The following ARPC4 variants were observed in gnomAD, a reference collection of about 807,000 sequenced individuals.
The protein encoded by ARPC4 is actin related protein 2/3 complex subunit 4.
ARPC4 carries 3 observed loss-of-function variants against 22.8 expected under a neutral mutation model. The observed-to-expected ratio is 0.13, with a 90% CI of 0.06 to 0.34. The LOEUF is 0.34. ARPC4 is among the 10% of genes least tolerant of loss of function. ARPC4 has a pLI of 1.00. For synonymous variants in ARPC4, 80 were observed against 72.5 expected (o/e 1.10, Z -0.52); for missense variants, 98 against 211.0 (o/e 0.46, Z 3.32).
intron 3 of ARPC4, 71 bp downstream of exon 3, chr3:9,800,367 C>T: frequency 1.3e-6 from 2 of 1,484,310 alleles, no homozygotes; most frequent in South Asian, 2.3e-5. Flanking sequence ...AGTCCGGGGT[C>T]CCCATCTGAG....
At chr3:9,798,364 G>T (rs188736554) in intron 2 of ARPC4, among the ~76,000 whole-genome samples, 49 of 151,790 alleles carry the variant, frequency 3.2e-4, no homozygotes, top group Non-Finnish European at 6.0e-4. Context: ...TGGGTAGATC[G>T]CTTGAGTACA....
At chr3:9,803,716 C>T (rs1185660537) in intron 4 of ARPC4, 127 bp from the exon 5 acceptor site, 2 of 1,106,052 alleles carry the variant, frequency 1.8e-6, no homozygotes, top group African/African-American at 3.1e-5. Context: ...GGGTATGTAG[C>T]TTGGGAGAAG....
intron 1 of ARPC4, among the ~76,000 whole-genome samples, chr3:9,795,037 G>T (rs1271576837): frequency 1.3e-5 from 2 of 151,856 alleles, no homozygotes; most frequent in Non-Finnish European, 2.9e-5. Flanking sequence ...ACACAGTCTC[G>T]CTCTGTCACC....
intron 2 of ARPC4, among the ~76,000 whole-genome samples, chr3:9,799,082 C>G (rs1346140685): frequency 1.3e-5 from 2 of 152,154 alleles, no homozygotes; most frequent in East Asian, 3.9e-4. Flanking sequence ...AGAGACACCA[C>G]ACCACAATTA....
chr3:9,806,500 A>C lies in ARPC4; in HGVS notation c.*285A>C. ...AACTTAAACTCTGTGCTTGTAGGAT[A>C]CTGTAACCTTTTTGTCTTTTTTTTT... is the stretch of plus-strand genomic sequence containing the variant. On this transcript the variant is annotated 3_prime_UTR_variant, in exon 6 of 6. Coordinates refer to ENST00000397261, the MANE Select transcript of ARPC4 (RefSeq NM_005718.5). The C allele has an allele frequency of 2.1e-6, 1 of 472,038 alleles. No homozygotes were observed. The highest frequency in any genetic ancestry group is 3.7e-6 in the Non-Finnish European group (1 of 267,218). The allele number at this position is 472,038 out of a possible 1,614,324, so 29.2% of individuals were successfully genotyped here. A position where few individuals can be genotyped will look rare whatever the true frequency, so the allele number is the denominator to read the frequency against.
chr3:9,793,530 C>T (rs1337748058), intron 1 of ARPC4, among the ~76,000 whole-genome samples: 2 of 152,182 alleles, frequency 1.3e-5, no homozygotes, highest in South Asian at 2.1e-4. Flanking sequence ...CCTCTTCTGC[C>T]TTCCTGACCC....
In ARPC4 at chr3:9,803,471, C is replaced by T; in HGVS notation, c.331-372C>T. ...CACAGCCCTCCAGCAGAAAAAGACC[C>T]TTAATCCCACCCATCTTCCACATCA... On this transcript the variant is annotated intron_variant, in intron 4 of 5. Transcript: ENST00000397261. The T allele has an allele frequency of 6.5e-6, 3 of 462,836 alleles. 1 individual carries two copies. The highest frequency in any genetic ancestry group is 4.6e-5 in the South Asian group (3 of 64,580). 28.7% of individuals were successfully genotyped at this position (462,836 alleles called of 1,614,324 possible).
rs567478397 is a variant in ARPC4 at position 9,805,487 on chromosome 3, T to C, written c.502-723T>C. On this transcript the variant is annotated intron_variant, in intron 5 of 5. Transcript: ENST00000397261. ...GCTATGGAGTGGGCTGAGTATGGAG[T>C]GGGCAGGGTGAGGAGCTGCTGAGCG... is the stretch of plus-strand genomic sequence containing the variant. Among the ~76,000 whole-genome samples, 30 of 152,054 alleles carry C rather than the reference T, an allele frequency of 2.0e-4. 1 individual carries two copies. The South Asian group carries it at 6.2e-3, about 32-fold the overall frequency.
chr3:9,799,445 GT>G (rs774857112), intron 2 of ARPC4, among the ~76,000 whole-genome samples: 184 of 141,962 alleles, frequency 1.3e-3, no homozygotes, highest in Admixed American at 1.5e-3. Context: ...AAACTTTCAG[GT>G]TTTTTTTTTT....
rs778216794 is a variant in ARPC4 at position 9,803,871 on chromosome 3, A to G, written c.359A>G (p.Asn120Ser). ...TATGATATCAGCTTTCTGATCACCA[A>G]CTTCCACACAGAGCAGATGTACAAA... ...EGYDISFLITNFHTEQMYKHK... is the reference protein window; with the variant it reads ...EGYDISFLITSFHTEQMYKHK... The change falls in exon 5 of 6, where the codon AAC (asparagine) becomes AGC (serine). Residue 120 changes from asparagine (N) to serine (S), a missense_variant. Asn to Ser is a conservative substitution (Grantham distance 46). Coordinates refer to ENST00000397261, the MANE Select transcript of ARPC4 (RefSeq NM_005718.5). The G allele has an allele frequency of 6.2e-7, 1 of 1,614,178 alleles. No homozygotes were observed. Among genetic ancestry groups the G allele is most frequent in the Non-Finnish European group, 8.5e-7 (1 of 1,180,008 alleles).
intron 1 of ARPC4, among the ~76,000 whole-genome samples, chr3:9,793,572 C>T (rs2078806066): frequency 6.6e-6 from 1 of 152,178 alleles, no homozygotes; most frequent in East Asian, 1.9e-4. Context: ...GCCACACTTC[C>T]TTATCCCATT....
chr3:9,799,880 C>T (rs1350116348), intron 2 of ARPC4: 1 of 523,226 alleles, frequency 1.9e-6, no homozygotes, highest in Non-Finnish European at 3.7e-6. Context: ...CTCTCTCAGT[C>T]CTCGCCAGTG....
At chr3:9,792,750 A>G, upstream of ARPC4, 1 of 1,243,540 alleles carries the variant, frequency 8.0e-7, no homozygotes, top group East Asian at 3.2e-5. Flanking sequence ...ACCGGAAGAA[A>G]CGAAGGGCTC....
chr3:9,796,743 C>G (rs140442636), intron 1 of ARPC4, among the ~76,000 whole-genome samples: 3 of 152,070 alleles, frequency 2.0e-5, no homozygotes, highest in African/African-American at 7.2e-5. Flanking sequence ...AGATTGAGAC[C>G]ATCCTGGCTA....
At chr3:9,796,760 T>G (rs1036375713) in intron 1 of ARPC4, among the ~76,000 whole-genome samples, 1 of 151,918 alleles carries the variant, frequency 6.6e-6, no homozygotes, top group Admixed American at 6.6e-5. Flanking sequence ...GCTAACACCG[T>G]GAAACCCTGT....
In ARPC4 at chr3:9,794,226, G is replaced by A. The variant is rs1231090468; in HGVS notation, c.3+1102G>A. 3.3e-5 allele frequency among the ~76,000 whole-genome samples: 5 copies of A among 152,310 alleles called. No homozygotes were observed. In the East Asian group the frequency reaches 5.8e-4, roughly 18 times the overall value. On this transcript the variant is annotated intron_variant, in intron 1 of 5. Transcript: ENST00000397261. ...CTATAACTGTTGACAAAGGCCAGGC[G>A]TGGTGGCTCACGCTTGTAATCCCAG... is the stretch of plus-strand genomic sequence containing the variant.
rs55966635 is a variant in ARPC4 at position 9,806,516 on chromosome 3, CTT to C, written c.*321_*322del. 32,540 of 231,198 alleles carry C rather than the reference CTT, an allele frequency of 0.14. 266 individuals are homozygous for C. Among genetic ancestry groups the C allele is most frequent in the South Asian group, 0.19 (3,804 of 19,802 alleles). 14.3% of individuals were successfully genotyped at this position (231,198 alleles called of 1,614,324 possible). On this transcript the variant is annotated 3_prime_UTR_variant, in exon 6 of 6. Coordinates refer to ENST00000397261, the MANE Select transcript of ARPC4 (RefSeq NM_005718.5). ...TTGTAGGATACTGTAACCTTTTTGT[CTT>C]TTTTTTTTTTTTTTTTTTTAAACCT...
intron 4 of ARPC4, chr3:9,803,405 C>T (rs1003723981): frequency 2.3e-6 from 1 of 430,534 alleles, no homozygotes; most frequent in Non-Finnish European, 4.7e-6. Context: ...CTAGATCTAA[C>T]CTCTGGGGCC....
chr3:9,797,817 C>T (rs1476294930), intron 2 of ARPC4, 40 bp downstream of exon 2: 1 of 1,594,124 alleles, frequency 6.3e-7, no homozygotes, highest in Admixed American at 1.7e-5. Context: ...AGGGGTGCAG[C>T]ACACAGAGAT....
Sources: gnomAD v4.1 joint callset for allele counts (sites outside exome capture counted in the v4.1 genomes callset) on GRCh38, gnomAD v4.1.1 for gene constraint, MANE v1.5 for transcripts, NCBI Gene and HGNC (gene_info 2026-07-23, HGNC 2026-07-21) for gene names.